The following FMR1NB variants were observed in gnomAD, a reference collection of about 807,000 sequenced individuals.
The protein encoded by FMR1NB is FMR1 neighbor, also known as FMR1 neighbor protein.
Under a neutral mutation model 16.8 loss-of-function variants are expected in FMR1NB, and 10 were observed. That is an observed-to-expected ratio of 0.60 (90% CI 0.37 to 1.01). The LOEUF is 1.01. Among genes scored for constraint, FMR1NB ranks in the 50% least tolerant of loss-of-function variants. FMR1NB has a pLI of 0.01. For missense variants in FMR1NB, 205 were observed against 204.8 expected (o/e 1.00, Z 0.00); for synonymous variants, 83 against 79.1 (o/e 1.05, Z -0.26).
At chrX:147,991,317 T>C (rs1054144319) in intron 1 of FMR1NB, among the ~76,000 whole-genome samples, 1 of 109,808 alleles carries the variant, frequency 9.1e-6, no homozygotes, top group Non-Finnish European at 1.9e-5. Context: ...AGTCCTTTCT[T>C]ATCTCACCAG....
chrX:148,001,514 C>T (rs1363819507), intron 1 of FMR1NB, among the ~76,000 whole-genome samples: 2 of 111,041 alleles, frequency 1.8e-5, no homozygotes, highest in African/African-American at 3.3e-5. Context: ...AGGCCGGGTG[C>T]AGTGGCTTAC....
chrX:148,022,335 T>C (rs1471174873), intron 4 of FMR1NB, among the ~76,000 whole-genome samples: 1 of 111,785 alleles, frequency 8.9e-6, no homozygotes, highest in Non-Finnish European at 1.9e-5. Flanking sequence ...TTGTCTGCCT[T>C]CTACCAACCT....
At chrX:148,018,110 G>T (rs868924239) in intron 4 of FMR1NB, among the ~76,000 whole-genome samples, 1 of 109,712 alleles carries the variant, frequency 9.1e-6, no homozygotes, top group Admixed American at 9.6e-5. Flanking sequence ...CTGAGGAATC[G>T]CCACACTGAC....
At chrX:148,008,118 A>G (rs1482619065) in intron 3 of FMR1NB, 1 of 112,910 alleles carries the variant, frequency 8.9e-6, no homozygotes, top group Non-Finnish European at 1.9e-5. Flanking sequence ...GCATCTGGTT[A>G]TTCCCAGTCT....
chrX:148,005,723 A>G (rs1455942150), intron 2 of FMR1NB, among the ~76,000 whole-genome samples: 2 of 111,816 alleles, frequency 1.8e-5, no homozygotes, highest in African/African-American at 6.5e-5. Flanking sequence ...CCTGGCCCAA[A>G]CAGGTGCCTA....
chrX:147,988,126 G>A (rs920296541), intron 1 of FMR1NB, among the ~76,000 whole-genome samples: 3 of 111,735 alleles, frequency 2.7e-5, no homozygotes, highest in East Asian at 2.8e-4. Flanking sequence ...GTATTTTGGC[G>A]TGTTTTTGCA....
chrX:148,011,443 G>A (rs912291932), intron 4 of FMR1NB, among the ~76,000 whole-genome samples: 5 of 111,326 alleles, frequency 4.5e-5, no homozygotes, highest in African/African-American at 1.6e-4. Context: ...CCTGTGCCGG[G>A]TATAACGGAG....
chrX:147,999,707 A>G (rs187569018), intron 1 of FMR1NB, among the ~76,000 whole-genome samples: 159 of 111,511 alleles, frequency 1.4e-3, no homozygotes, highest in African/African-American at 5.1e-3. Context: ...AGTAAGCTCC[A>G]TGAGGGCAGG....
At chrX:147,990,041 A>G (rs2044496437) in intron 1 of FMR1NB, among the ~76,000 whole-genome samples, 1 of 33,039 alleles carries the variant, frequency 3.0e-5, no homozygotes, top group African/African-American at 2.2e-4. Flanking sequence ...TGGGCTAAGA[A>G]AAAAAAAAAA....
chrX:148,000,415 G>T (rs184731942), intron 1 of FMR1NB, among the ~76,000 whole-genome samples: 1 of 111,725 alleles, frequency 9.0e-6, no homozygotes, highest in South Asian at 3.7e-4. Flanking sequence ...GAATGAAACA[G>T]GTATAACTCT....
chrX:147,994,060 A>G (rs2065882981), intron 1 of FMR1NB, among the ~76,000 whole-genome samples: 2 of 110,984 alleles, frequency 1.8e-5, no homozygotes, highest in Admixed American at 9.6e-5. Context: ...CCCCCTCACA[A>G]ACGTATTTTA....
At chrX:147,997,273 G>A (rs1169120831) in intron 1 of FMR1NB, among the ~76,000 whole-genome samples, 2 of 111,829 alleles carry the variant, frequency 1.8e-5, no homozygotes, top group Non-Finnish European at 3.8e-5. Flanking sequence ...CAGACCAATG[G>A]AGAAGAACAG....
intron 1 of FMR1NB, among the ~76,000 whole-genome samples, chrX:147,982,432 C>CA (rs2044453745): frequency 9.3e-6 from 1 of 107,722 alleles, no homozygotes; most frequent in Non-Finnish European, 1.9e-5. Context: ...TACTAAAATA[C>CA]AAAAAAATTA....
chrX:148,006,670 A>G, intron 2 of FMR1NB, 32 bp from the exon 3 acceptor site: 1 of 1,185,058 alleles, frequency 8.4e-7, no homozygotes, highest in South Asian at 1.9e-5. Context: ...AACCATGCTG[A>G]ATTCTCTTTC....
At chrX:147,983,605 G>A (rs1471657309) in intron 1 of FMR1NB, among the ~76,000 whole-genome samples, 6 of 112,106 alleles carry the variant, frequency 5.4e-5, no homozygotes, top group Admixed American at 9.5e-5. Flanking sequence ...TGAGCTTTAA[G>A]AATTCTTTAT....
chrX:147,996,782 C>T (rs782343066), intron 1 of FMR1NB, among the ~76,000 whole-genome samples: 13 of 110,816 alleles, frequency 1.2e-4, no homozygotes, highest in East Asian at 5.7e-4. Context: ...GTTTCTTTTC[C>T]GTTGAAATGT....
chrX:147,984,935 T>C (rs1399495466), intron 1 of FMR1NB, among the ~76,000 whole-genome samples: 1 of 112,280 alleles, frequency 8.9e-6, no homozygotes, highest in East Asian at 2.8e-4. Flanking sequence ...TTTGCATCAA[T>C]TGAGATATGA....
chrX:147,998,328 A>C (rs1317151405), intron 1 of FMR1NB, among the ~76,000 whole-genome samples: 1 of 112,030 alleles, frequency 8.9e-6, no homozygotes. Context: ...GCTTGAAACC[A>C]TCATTCTCAG....
intron 4 of FMR1NB, among the ~76,000 whole-genome samples, chrX:148,012,536 C>A (rs1557189723): frequency 9.0e-6 from 1 of 111,668 alleles, no homozygotes; most frequent in Admixed American, 9.5e-5. Flanking sequence ...TTTCTTTCAA[C>A]TAATAAAATG....
Sources: gnomAD v4.1 joint callset for allele counts (sites outside exome capture counted in the v4.1 genomes callset) on GRCh38, gnomAD v4.1.1 for gene constraint, MANE v1.5 for transcripts, NCBI Gene and HGNC (gene_info 2026-07-23, HGNC 2026-07-21) for gene names.